Variants in HHIP observed in about 807,000 individuals in gnomAD.
HHIP encodes the protein hedgehog-interacting protein.
Under a neutral mutation model 74.0 loss-of-function variants are expected in HHIP, and 12 were observed. The ratio of observed to expected loss-of-function variants is 0.16; its 90% CI spans 0.10 to 0.26. HHIP has a LOEUF of 0.26. HHIP is among the 10% of genes least tolerant of loss of function. HHIP has a pLI of 1.00. For synonymous variants in HHIP, 309 were observed against 311.6 expected (o/e 0.99, Z 0.09); for missense variants, 788 against 845.0 (o/e 0.93, Z 0.84).
In HHIP at chr4:144,745,008, G is replaced by C. The variant is rs1398185618; in HGVS notation, c.*7051G>C. On this transcript the variant is annotated 3_prime_UTR_variant, in exon 13 of 13. Transcript: ENST00000296575. ...ACTATCTATGTAAAATATAATATATGTATAATGCATATAAATTCTAACAAG... is the reference window on the plus strand; with the variant it reads ...ACTATCTATGTAAAATATAATATATCTATAATGCATATAAATTCTAACAAG... 2 of 152,156 alleles carry C rather than the reference G, an allele frequency of 1.3e-5. No individual in the cohort carries two copies. The highest frequency in any genetic ancestry group is 4.1e-4 in the South Asian group (2 of 4,830). The allele number at this position is 152,156 out of a possible 1,614,324, so 9.4% of individuals were successfully genotyped here.
chr4:144,715,775 T>C (rs1730430960), intron 10 of HHIP, among the ~76,000 whole-genome samples: 1 of 152,238 alleles, frequency 6.6e-6, no homozygotes, highest in Non-Finnish European at 1.5e-5. Context: ...ATATTCTCTA[T>C]CTAAAAACCT....
At chr4:144,703,607 G>A (rs1414308877) in intron 4 of HHIP, among the ~76,000 whole-genome samples, 1 of 152,134 alleles carries the variant, frequency 6.6e-6, no homozygotes, top group Non-Finnish European at 1.5e-5. Context: ...GGAGTCTTTG[G>A]GCTAGGGGAT....
Position 144,659,803 on chromosome 4 carries a change from T to G in HHIP, c.796T>G (p.Leu266Val). 2.5e-6 allele frequency: 4 copies of G among 1,611,722 alleles called. No homozygotes were observed. The highest frequency in any genetic ancestry group is 3.4e-6 in the Non-Finnish European group (4 of 1,179,298). The change falls in exon 4 of 13, where the codon TTG (leucine) becomes GTG (valine). Residue 266 changes from leucine (L) to valine (V), a missense_variant. Physicochemically the swap from Leu to Val is conservative, Grantham distance 32 (BLOSUM62 1). Transcript: ENST00000296575. ...PEGEIFKEPY[L>V]DIHKLVQSGI... Reference sequence around the variant, plus strand: ...AGGAGAAATTTTCAAGGAGCCTTATTTGGACATTCACAAACTTGTTCAAAG... The same window carrying G: ...AGGAGAAATTTTCAAGGAGCCTTATGTGGACATTCACAAACTTGTTCAAAG...
At chr4:144,649,674 A>G (rs1728364656) in intron 1 of HHIP, among the ~76,000 whole-genome samples, 1 of 152,190 alleles carries the variant, frequency 6.6e-6, no homozygotes, top group South Asian at 2.1e-4. Flanking sequence ...TTGTAGCCAC[A>G]GAGGCATAGA....
chr4:144,668,835 C>T (rs1267988769), intron 4 of HHIP, among the ~76,000 whole-genome samples: 1 of 152,112 alleles, frequency 6.6e-6, no homozygotes, highest in Non-Finnish European at 1.5e-5. Flanking sequence ...ACAGTAGACC[C>T]TCTTTCTATC....
chr4:144,666,671 G>A (rs539815473), intron 4 of HHIP, among the ~76,000 whole-genome samples: 24 of 152,324 alleles, frequency 1.6e-4, no homozygotes, highest in Non-Finnish European at 2.9e-4. Flanking sequence ...GGCACTGCAT[G>A]AGAGGAGAGA....
chr4:144,664,635 C>T (rs569363790), intron 4 of HHIP, among the ~76,000 whole-genome samples: 1 of 152,188 alleles, frequency 6.6e-6, no homozygotes, highest in African/African-American at 2.4e-5. Flanking sequence ...ATTATACACA[C>T]ATACACATAT....
chr4:144,694,721 G>C (rs911196778), intron 4 of HHIP, among the ~76,000 whole-genome samples: 1 of 151,652 alleles, frequency 6.6e-6, no homozygotes, highest in Non-Finnish European at 1.5e-5. Context: ...AAAAATTAAA[G>C]TAAAAAGGTA....
At chr4:144,686,326 T>C (rs573996600) in intron 4 of HHIP, among the ~76,000 whole-genome samples, 20 of 152,198 alleles carry the variant, frequency 1.3e-4, no homozygotes, top group African/African-American at 4.6e-4. Flanking sequence ...AGGAAATTCA[T>C]GAGAAGCAGT....
At chr4:144,725,042 C>A (rs1730757462) in intron 11 of HHIP, among the ~76,000 whole-genome samples, 1 of 152,094 alleles carries the variant, frequency 6.6e-6, no homozygotes, top group African/African-American at 2.4e-5. Flanking sequence ...CCATGCCCAC[C>A]ACTATCTCTT....
chr4:144,731,121 A>G (rs543191194), intron 11 of HHIP, among the ~76,000 whole-genome samples: 1 of 152,220 alleles, frequency 6.6e-6, no homozygotes, highest in Non-Finnish European at 1.5e-5. Context: ...TTTTGTGTTT[A>G]TGATATGAAA....
At chr4:144,680,498 T>C (rs1434943816) in intron 4 of HHIP, among the ~76,000 whole-genome samples, 4 of 152,176 alleles carry the variant, frequency 2.6e-5, no homozygotes, top group African/African-American at 9.6e-5. Context: ...ATCAAAAAAC[T>C]GACAGATTTG....
intron 4 of HHIP, among the ~76,000 whole-genome samples, chr4:144,662,796 AAG>A (rs976976898): frequency 5.9e-5 from 9 of 152,226 alleles, no homozygotes; most frequent in African/African-American, 2.2e-4. Flanking sequence ...TATCTCCAGA[AAG>A]AAACACTTCT....
At chr4:144,731,345 G>A (rs2126686712) in intron 11 of HHIP, among the ~76,000 whole-genome samples, 1 of 152,286 alleles carries the variant, frequency 6.6e-6, no homozygotes, top group East Asian at 1.9e-4. Context: ...GGAAGTGTTT[G>A]TCCTCATGGA....
At chr4:144,714,675 TG>T (rs1730397513) in intron 9 of HHIP, among the ~76,000 whole-genome samples, 3 of 152,142 alleles carry the variant, frequency 2.0e-5, no homozygotes. Context: ...TGAAAACTAT[TG>T]TTTTACTTGC....
At chr4:144,685,114 C>T (rs907996412) in intron 4 of HHIP, among the ~76,000 whole-genome samples, 1 of 152,172 alleles carries the variant, frequency 6.6e-6, no homozygotes, top group African/African-American at 2.4e-5. Context: ...AGGGATCATA[C>T]CAATATCATT....
chr4:144,727,768 T>C (rs1730843024), intron 11 of HHIP, among the ~76,000 whole-genome samples: 1 of 152,206 alleles, frequency 6.6e-6, no homozygotes, highest in African/African-American at 2.4e-5. Context: ...TGATACAGGA[T>C]ATCCACATAC....
At chr4:144,672,435 C>T (rs914886864) in intron 4 of HHIP, among the ~76,000 whole-genome samples, 1 of 152,106 alleles carries the variant, frequency 6.6e-6, no homozygotes, top group African/African-American at 2.4e-5. Context: ...GAAGATATAC[C>T]ATGACTTCGA....
At chr4:144,695,377 A>G (rs1338540443) in intron 4 of HHIP, among the ~76,000 whole-genome samples, 5 of 151,814 alleles carry the variant, frequency 3.3e-5, no homozygotes, top group African/African-American at 1.2e-4. Context: ...TGAATATCCA[A>G]ATTTAAATCT....
Sources: allele counts gnomAD v4.1 joint callset (sites outside exome capture counted in the v4.1 genomes callset), GRCh38; gene constraint gnomAD v4.1.1; transcripts MANE v1.5; gene names NCBI Gene and HGNC (gene_info 2026-07-23, HGNC 2026-07-21).